The following PCNA variants were observed in gnomAD, a reference collection of about 807,000 sequenced individuals.
PCNA encodes the protein DNA sliding clamp PCNA.
PCNA carries 4 observed loss-of-function variants against 27.8 expected under a neutral mutation model. That is an observed-to-expected ratio of 0.14 (90% CI 0.07 to 0.33). The LOEUF is 0.33. Among genes scored for constraint, PCNA ranks in the 10% least tolerant of loss-of-function variants. The probability of loss-of-function intolerance (pLI) is 1.00; values close to 1 mark genes in which losing one functional copy is unlikely to be tolerated. For missense variants in PCNA, 165 were observed against 327.4 expected, an observed-to-expected ratio of 0.50 and a Z score of 3.83; for synonymous variants, 121 against 119.4, an observed-to-expected ratio of 1.01 and a Z score of -0.09.
In PCNA at chr20:5,117,638, C is replaced by T. The variant is rs1042367370; in HGVS notation, c.414G>A (p.Lys138=). The part of the protein sequence containing the change: ...IPEQEYSCVV[K]MPSGEFARIC... Reference sequence around the variant, plus strand: ...TACGTGCAAATTCACCAGAAGGCATCTTTACTACACAGCTGTACTCCTGTT... The same window carrying T: ...TACGTGCAAATTCACCAGAAGGCATTTTTACTACACAGCTGTACTCCTGTT... Residue 138 remains lysine (K), a synonymous_variant, in exon 4 of 6, where the codon AAG becomes AAA. Coordinates refer to ENST00000379143, the MANE Select transcript of PCNA (RefSeq NM_182649.2). 1 of 1,613,386 alleles carries T rather than the reference C, an allele frequency of 6.2e-7. No individual in the cohort carries two copies. Among genetic ancestry groups the T allele is most frequent in the Non-Finnish European group, 8.5e-7 (1 of 1,179,648 alleles).
chr20:5,120,588 GA>G (rs1169417038), upstream of PCNA, among the ~76,000 whole-genome samples: 1 of 151,726 alleles, frequency 6.6e-6, no homozygotes, highest in African/African-American at 2.4e-5. Context: ...TAAACACTTG[GA>G]AAAGTACTTA....
Position 5,119,943 on chromosome 20 carries a change from C to T in PCNA, c.-145G>A. ...GAAAGACAACGACCACTCTGCTACGCCTGCAACCGTTTAATGCCGCCGCGT... is the reference window on the plus strand; with the variant it reads ...GAAAGACAACGACCACTCTGCTACGTCTGCAACCGTTTAATGCCGCCGCGT... On this transcript the variant is annotated 5_prime_UTR_variant, in exon 1 of 6. Coordinates refer to ENST00000379143, the MANE Select transcript of PCNA (RefSeq NM_182649.2). 3.1e-6 allele frequency: 2 copies of T among 654,468 alleles called. No individual in the cohort carries two copies. Among genetic ancestry groups the T allele is most frequent in the Middle Eastern group, 4.1e-4 (1 of 2,412 alleles). 40.5% of individuals were successfully genotyped at this position (654,468 alleles called of 1,614,324 possible).
At chr20:5,118,219 T>C (rs2122901734) in intron 3 of PCNA, among the ~76,000 whole-genome samples, 1 of 152,364 alleles carries the variant, frequency 6.6e-6, no homozygotes, top group South Asian at 2.1e-4. Flanking sequence ...AAAATCTCTC[T>C]TTGAAACATG....
At chr20:5,122,051 G>T (rs1241855892), upstream of PCNA, among the ~76,000 whole-genome samples, 3 of 146,984 alleles carry the variant, frequency 2.0e-5, no homozygotes, top group East Asian at 6.0e-4. Flanking sequence ...GTGTGATCTT[G>T]GCTAACCGCA....
chr20:5,117,279 G>A (rs1373811755), intron 4 of PCNA, among the ~76,000 whole-genome samples, 191 bp downstream of exon 4: 1 of 152,146 alleles, frequency 6.6e-6, no homozygotes, highest in African/African-American at 2.4e-5. Flanking sequence ...TGCTGAATTT[G>A]TATTCCCTTC....
chr20:5,117,768 T>G (rs1223129245), intron 3 of PCNA, 104 bp from the exon 4 acceptor site: 2 of 641,920 alleles, frequency 3.1e-6, no homozygotes, highest in African/African-American at 3.7e-5. Context: ...GAATCAATAT[T>G]TTCTGATTAC....
In PCNA at chr20:5,117,471, G is replaced by A; in HGVS notation, c.581C>T (p.Ala194Val). ...TCTTTTTACTTAAAAACTACTTACA[G>A]CTTCCTCCTCTTTATCGACATTACT... is the stretch of plus-strand genomic sequence containing the variant. ...QTSNVDKEEEAVTIEMNEPVQ... is the reference protein window; with the variant it reads ...QTSNVDKEEEVVTIEMNEPVQ... Residue 194 changes from alanine to valine, a missense_variant and splice_region_variant, in exon 4 of 6, where the codon GCT becomes GTT. By Grantham distance (64) the Ala-to-Val change is moderately conservative (BLOSUM62 0). Coordinates refer to ENST00000379143, the MANE Select transcript of PCNA (RefSeq NM_182649.2). 1 of 1,605,132 alleles carries A rather than the reference G, an allele frequency of 6.2e-7. No homozygotes were observed. Among genetic ancestry groups the A allele is most frequent in the Non-Finnish European group, 8.5e-7 (1 of 1,174,074 alleles).
chr20:5,117,404 A>G (rs2090482625), intron 4 of PCNA, 66 bp downstream of exon 4: 1 of 1,087,670 alleles, frequency 9.2e-7, no homozygotes, highest in African/African-American at 1.6e-5. Flanking sequence ...AATTTTAGCA[A>G]TTAACCTAAT....
Position 5,119,923 on chromosome 20 carries a change from A to AT in PCNA, c.-126_-125insA. The AT allele has an allele frequency of 1.4e-6, 1 of 711,332 alleles. No individual in the cohort carries two copies. Among genetic ancestry groups the AT allele is most frequent in the East Asian group, 2.7e-5 (1 of 36,932 alleles). 44.1% of individuals were successfully genotyped at this position (711,332 alleles called of 1,614,324 possible). A position where few individuals can be genotyped will look rare whatever the true frequency, so the allele number is the denominator to read the frequency against. On this transcript the variant is annotated 5_prime_UTR_variant, in exon 1 of 6. Coordinates refer to ENST00000379143, the MANE Select transcript of PCNA (RefSeq NM_182649.2). ...CGACGACCGGCTGAGACCTAGAAAGACAACGACCACTCTGCTACGCCTGCA... is the reference window on the plus strand; with the variant it reads ...CGACGACCGGCTGAGACCTAGAAAGATCAACGACCACTCTGCTACGCCTGCA...
intron 1 of PCNA, among the ~76,000 whole-genome samples, chr20:5,125,620 C>T (rs2090542680): frequency 6.6e-6 from 1 of 152,150 alleles, no homozygotes; most frequent in Non-Finnish European, 1.5e-5. Flanking sequence ...ATGTGTTTTA[C>T]ATCACTTACA....
intron 4 of PCNA, among the ~76,000 whole-genome samples, 185 bp downstream of exon 4, chr20:5,117,285 C>T (rs1352054357): frequency 1.3e-5 from 2 of 152,122 alleles, no homozygotes; most frequent in Admixed American, 6.5e-5. Context: ...ATTTGTATTC[C>T]CTTCTTGCAA....
At chr20:5,118,911 G>C (rs1182505435) in intron 1 of PCNA, 45 bp from the exon 2 acceptor site, 1 of 1,361,656 alleles carries the variant, frequency 7.3e-7, no homozygotes. Flanking sequence ...GCCGTCTGCT[G>C]AAGGGCTGTA....
chr20:5,115,551 G>C lies in PCNA; in HGVS notation c.604C>G (p.Pro202Ala). The C allele has an allele frequency of 3.1e-6, 5 of 1,613,686 alleles. No homozygotes were observed. The highest frequency in any genetic ancestry group is 4.2e-6 in the Non-Finnish European group (5 of 1,179,682). The change falls in exon 5 of 6, where the codon CCA becomes GCA. Residue 202 changes from proline (P) to alanine (A), a missense_variant. Transcript: ENST00000379143. ...CTCAGTGCAAAAGTTAGTTGAACTG[G>C]TTCATTCATCTCTATGGTAACCTAC... Reference protein sequence around the residue: ...EEAVTIEMNEPVQLTFALRYL... With the variant: ...EEAVTIEMNEAVQLTFALRYL...
At chr20:5,119,437 C>T (rs2090500129) in intron 1 of PCNA, 141 bp downstream of exon 1, 1 of 691,016 alleles carries the variant, frequency 1.4e-6, no homozygotes, top group Non-Finnish European at 2.4e-6. Context: ...CTCAGCTGGG[C>T]CCCACCCCAC....
chr20:5,117,725 C>G, intron 3 of PCNA, 61 bp from the exon 4 acceptor site: 1 of 1,063,030 alleles, frequency 9.4e-7, no homozygotes, highest in South Asian at 1.6e-5. Flanking sequence ...TTGGCACCCT[C>G]ACTTTCTTAA....
intron 1 of PCNA, among the ~76,000 whole-genome samples, chr20:5,125,123 G>A (rs764453313): frequency 2.0e-5 from 3 of 152,130 alleles, no homozygotes; most frequent in African/African-American, 4.8e-5. Flanking sequence ...AGGATTGCTC[G>A]AGCCCAGGAG....
At chr20:5,120,037 G>A, upstream of PCNA, 1 of 547,890 alleles carries the variant, frequency 1.8e-6, no homozygotes, top group Admixed American at 3.1e-5. Context: ...ACGGCCTTGC[G>A]GGGAAGACTT....
chr20:5,119,383 G>A (rs554542311), intron 1 of PCNA, among the ~76,000 whole-genome samples, 195 bp downstream of exon 1: 1 of 152,392 alleles, frequency 6.6e-6, no homozygotes, highest in Admixed American at 6.5e-5. Context: ...GCGCGAAAAA[G>A]CAGGTTCGCG....
chr20:5,124,485 C>T (rs1446327482), upstream of PCNA, among the ~76,000 whole-genome samples: 1 of 151,970 alleles, frequency 6.6e-6, no homozygotes, highest in Non-Finnish European at 1.5e-5. Context: ...CAAAAATTAG[C>T]CAGCTGTGGT....
Sources: allele counts gnomAD v4.1 joint callset (sites outside exome capture counted in the v4.1 genomes callset), GRCh38; gene constraint gnomAD v4.1.1; transcripts MANE v1.5; gene names NCBI Gene and HGNC (gene_info 2026-07-23, HGNC 2026-07-21).